Variants in PITPNM1 observed in about 807,000 individuals in gnomAD.
PITPNM1 encodes the protein phosphatidylinositol transfer protein membrane associated 1, also known as membrane-associated phosphatidylinositol transfer protein 1.
Under a neutral mutation model 133.3 loss-of-function variants are expected in PITPNM1, and 74 were observed. That is an observed-to-expected ratio of 0.56 (90% CI 0.46 to 0.67). The LOEUF (loss-of-function observed/expected upper bound fraction) is 0.67, where lower values mean the gene tolerates loss of function less well. PITPNM1 is among the 30% of genes least tolerant of loss of function. The pLI is 0.00. For synonymous variants in PITPNM1, 738 were observed against 741.4 expected, an observed-to-expected ratio of 1.00 and a Z score of 0.08; for missense variants, 1,398 against 1,739.5, an observed-to-expected ratio of 0.80 and a Z score of 3.49.
chr11:67,505,141 C>G lies in PITPNM1; in HGVS notation c.-42+47G>C, dbSNP rs1326241206. 2.6e-5 allele frequency: 4 copies of G among 152,732 alleles called. No homozygotes were observed. The highest frequency in any genetic ancestry group is 5.8e-5 in the Non-Finnish European group (4 of 68,438). 9.5% of individuals were successfully genotyped at this position (152,732 alleles called of 1,614,324 possible). Reference sequence around the variant, plus strand: ...CACTTCCCTCTGCTCGCCGGCGTCCCGGTCCCCTGCCGCGCTCTTGGCCCG... The same window carrying G: ...CACTTCCCTCTGCTCGCCGGCGTCCGGGTCCCCTGCCGCGCTCTTGGCCCG... On this transcript the variant is annotated intron_variant, in intron 1 of 23. Coordinates refer to ENST00000356404, the MANE Select transcript of PITPNM1 (RefSeq NM_004910.3). The surrounding 1 kb of genome is among the most constrained non-coding windows in gnomAD (Gnocchi z 5.8).
chr11:67,502,202 G>C lies in PITPNM1; in HGVS notation c.415+90C>G. On this transcript the variant is annotated intron_variant, in intron 4 of 23. Transcript: ENST00000356404. The surrounding 1 kb of genome is among the most constrained non-coding windows in gnomAD (Gnocchi z 5.9). The stretch of plus-strand genomic sequence containing the variant: ...TTTTGCAGACAGGACATGAGGCCTG[G>C]AGAGGGCTGGGACTTCTCAGAGGCT... 1 of 1,567,110 alleles carries C rather than the reference G, an allele frequency of 6.4e-7. No homozygotes were observed. Among genetic ancestry groups the C allele is most frequent in the South Asian group, 1.1e-5 (1 of 87,414 alleles).
At chr11:67,503,120 G>A (rs1223553575) in intron 2 of PITPNM1, among the ~76,000 whole-genome samples, 2 of 152,264 alleles carry the variant, frequency 1.3e-5, no homozygotes, top group African/African-American at 4.8e-5. Context: ...TATAGGAAAA[G>A]AAAGCCTAGA....
Position 67,491,968 on chromosome 11 carries a change from A to G in PITPNM1, c.*65T>C. On this transcript the variant is annotated 3_prime_UTR_variant, in exon 24 of 24. Coordinates refer to ENST00000356404, the MANE Select transcript of PITPNM1 (RefSeq NM_004910.3). ...CAAAAGTCTGGGTCCCCAGCCTCCCACACGCAGCCCCTCGGGCCCCTTGGG... is the reference window on the plus strand; with the variant it reads ...CAAAAGTCTGGGTCCCCAGCCTCCCGCACGCAGCCCCTCGGGCCCCTTGGG... 1.3e-6 allele frequency: 2 copies of G among 1,550,798 alleles called. No homozygotes were observed. Among genetic ancestry groups the G allele is most frequent in the Non-Finnish European group, 8.7e-7 (1 of 1,144,488 alleles).
chr11:67,502,724 G>C lies in PITPNM1; in HGVS notation c.79-6C>G. On this transcript the variant is annotated splice_polypyrimidine_tract_variant and splice_region_variant and intron_variant, in intron 2 of 23. Coordinates refer to ENST00000356404, the MANE Select transcript of PITPNM1 (RefSeq NM_004910.3). The surrounding 1 kb of genome is among the most constrained non-coding windows in gnomAD (Gnocchi z 5.9). ...GACTCCTCCCGGCTCTTTTTCTGTG[G>C]CCCAAGGGAGAGCAGGACAGGGAGC... The C allele has an allele frequency of 6.2e-7, 1 of 1,610,388 alleles. No individual in the cohort carries two copies. Among genetic ancestry groups the C allele is most frequent in the Admixed American group, 1.7e-5 (1 of 59,992 alleles).
chr11:67,496,561 A>G lies in PITPNM1; in HGVS notation c.2147-213T>C. On this transcript the variant is annotated intron_variant, in intron 14 of 23. Coordinates refer to ENST00000356404, the MANE Select transcript of PITPNM1 (RefSeq NM_004910.3). ...ATGCCTGGAATCCCAGTACTGCGGG[A>G]GGCAGAAGCAGATGGATCACTTGAG... The G allele has an allele frequency of 5.8e-6, 3 of 519,338 alleles. No individual in the cohort carries two copies. The South Asian group carries it at 8.3e-5, about 14-fold the overall frequency. The allele number at this position is 519,338 out of a possible 1,614,324, so 32.2% of individuals were successfully genotyped here. A position where few individuals can be genotyped will look rare whatever the true frequency, so the allele number is the denominator to read the frequency against.
rs1478818235 is a variant in PITPNM1, at chr11:67,492,134, C to G, written c.3634G>C (p.Gly1212Arg). Residue 1212 changes from glycine to arginine, a missense_variant, in exon 24 of 24, where the codon GGC becomes CGC. By Grantham distance (125) the Gly-to-Arg change is moderately radical (BLOSUM62 -2). Around this residue, in one of 5 missense-constraint regions of PITPNM1, gnomAD observed 122 missense variants for 123.3 expected, o/e 0.99. Transcript: ENST00000356404. ...RKQSQLLRSR[G>R]PSQAEREGPG... is the part of the protein sequence containing the mutation. Reference sequence around the variant, plus strand: ...CCCTCACGCTCCGCCTGGCTGGGGCCCCTCGAGCGAAGCAGCTGGCTCTGT... The same window carrying G: ...CCCTCACGCTCCGCCTGGCTGGGGCGCCTCGAGCGAAGCAGCTGGCTCTGT... 2 of 1,611,800 alleles carry G rather than the reference C, an allele frequency of 1.2e-6. No individual in the cohort carries two copies. Among genetic ancestry groups the G allele is most frequent in the Non-Finnish European group, 1.7e-6 (2 of 1,179,830 alleles).
Position 67,493,149 on chromosome 11 carries a change from G to C in PITPNM1, c.3343-87C>G, listed in dbSNP as rs944177544. On this transcript the variant is annotated intron_variant, in intron 22 of 23. Transcript: ENST00000356404. ...CTGTTGGGCTTCCCCAGATTGTTCT[G>C]GGGGTGGGTCCAGGCAGACGGAGGC... The C allele has an allele frequency of 3.1e-5, 47 of 1,526,172 alleles. No individual in the cohort carries two copies. The African/African-American group carries it at 6.3e-4, about 20-fold the overall frequency. 94.5% of individuals were successfully genotyped at this position (1,526,172 alleles called of 1,614,324 possible). A position where few individuals can be genotyped will look rare whatever the true frequency, so the allele number is the denominator to read the frequency against.
chr11:67,496,241 C>T lies in PITPNM1; in HGVS notation c.2254G>A (p.Ala752Thr), dbSNP rs147015888. 1.3e-5 allele frequency: 20 copies of T among 1,557,160 alleles called. No individual in the cohort carries two copies. The highest frequency in any genetic ancestry group is 8.5e-5 in the African/African-American group (6 of 70,822). The change falls in exon 15 of 24, where the codon GCC (alanine) becomes ACC (threonine). Residue 752 changes from alanine (A) to threonine (T), a missense_variant. Coordinates refer to ENST00000356404, the MANE Select transcript of PITPNM1 (RefSeq NM_004910.3). ...TGGTAGCGGGGCACGGTCAGTGGGG[C>T]GATGGCCTGGAACTTCGGGGCCAGC... ...PLLAPKFQAI[A>T]PLTVPRYQKF... is the part of the protein sequence containing the mutation.
chr11:67,492,845 C>T, intron 23 of PITPNM1, 89 bp downstream of exon 23: 1 of 1,491,130 alleles, frequency 6.7e-7, no homozygotes, highest in Non-Finnish European at 9.1e-7. Flanking sequence ...CTTCTCACAT[C>T]TTCCCCAGAG....
Position 67,492,192 on chromosome 11 carries a change from A to G in PITPNM1, c.3576T>C (p.Tyr1192=). 11 of 1,610,836 alleles carry G rather than the reference A, an allele frequency of 6.8e-6. No homozygotes were observed. Among genetic ancestry groups the G allele is most frequent in the Non-Finnish European group, 9.3e-6 (11 of 1,179,660 alleles). Residue 1192 remains tyrosine, a synonymous_variant, in exon 24 of 24, where the codon TAT becomes TAC. Transcript: ENST00000356404. ...GGAAGTCCACGGGGGCAGCCACACC[A>G]TAGCTGCTCTTGCCCAAGGCAGCTC... ...PPRAALGKSS[Y]GVAAPVDFLR... is the part of the protein sequence containing the mutation.
At chr11:67,492,790 C>T (rs1403430049) in intron 23 of PITPNM1, 144 bp downstream of exon 23, 1 of 1,061,318 alleles carries the variant, frequency 9.4e-7, no homozygotes, top group South Asian at 1.7e-5. Context: ...CTGCTCATGG[C>T]CCTTGTCCTC....
In PITPNM1 at chr11:67,498,218, C is replaced by T. The variant is rs1182903134; in HGVS notation, c.1589G>A (p.Gly530Asp). The T allele has an allele frequency of 6.2e-7, 1 of 1,612,928 alleles. No individual in the cohort carries two copies. The highest frequency in any genetic ancestry group is 8.5e-7 in the Non-Finnish European group (1 of 1,179,782). The stretch of plus-strand genomic sequence containing the variant: ...GCGGGCAATGACGGTGGCCACGGCG[C>T]CCTGGTAGCGGGAGGATGAGGTGGC... ...LLATSSSRYQ[G>D]AVATVIARTN... The change falls in exon 11 of 24, where the codon GGC (glycine) becomes GAC (aspartate). Residue 530 changes from glycine (G) to aspartate (D), a missense_variant. Transcript: ENST00000356404. The surrounding 1 kb of genome is among the most constrained non-coding windows in gnomAD (Gnocchi z 5.7).
chr11:67,495,271 C>T (rs1385326921), intron 16 of PITPNM1, 46 bp from the exon 17 acceptor site: 3 of 1,535,672 alleles, frequency 2.0e-6, no homozygotes, highest in African/African-American at 2.7e-5. Context: ...TGCCCCACAC[C>T]CATCTGCCTG....
rs115377785 is a variant in PITPNM1 at position 67,498,700 on chromosome 11, G to C, written c.1380C>G (p.Phe460Leu). ...GGAAGTGGATGCGGGTGACGGCCTC[G>C]AAGGCGGAGCTCAGCGTCTGCACAT... is the stretch of plus-strand genomic sequence containing the variant. ...QADVQTLSSA[F>L]EAVTRIHFPE... The change falls in exon 10 of 24, where the codon TTC becomes TTG. Residue 460 changes from phenylalanine (F) to leucine (L), a missense_variant. Phe to Leu is a conservative substitution (Grantham distance 22). Around this residue, in one of 5 missense-constraint regions of PITPNM1, gnomAD observed 574 missense variants for 698.7 expected, o/e 0.82. Transcript: ENST00000356404. The surrounding 1 kb of genome is among the most constrained non-coding windows in gnomAD (Gnocchi z 5.7). The C allele has an allele frequency of 1.2e-6, 2 of 1,606,240 alleles. No homozygotes were observed. Among genetic ancestry groups the C allele is most frequent in the African/African-American group, 2.7e-5 (2 of 75,048 alleles).
At position 67,492,120 on chromosome 11, in the gene PITPNM1, C is replaced by A. The variant is rs201936593; in HGVS notation, c.3648G>T (p.Ala1216=). ...GTGGTGTTCCCGGGCCCTCACGCTCCGCCTGGCTGGGGCCCCTCGAGCGAA... is the reference window on the plus strand; with the variant it reads ...GTGGTGTTCCCGGGCCCTCACGCTCAGCCTGGCTGGGGCCCCTCGAGCGAA... The part of the protein sequence containing the change: ...QLLRSRGPSQ[A]EREGPGTPPT... The change falls in exon 24 of 24, where the codon GCG becomes GCT. Residue 1216 remains alanine, a synonymous_variant. Transcript: ENST00000356404. 1 of 1,612,132 alleles carries A rather than the reference C, an allele frequency of 6.2e-7. No individual in the cohort carries two copies. The highest frequency in any genetic ancestry group is 8.5e-7 in the Non-Finnish European group (1 of 1,179,832).
chr11:67,503,690 A>C, intron 2 of PITPNM1: 1 of 172,926 alleles, frequency 5.8e-6, no homozygotes, highest in Non-Finnish European at 1.2e-5. Context: ...TCGCCCTCCC[A>C]TCCTTGCTGC....
rs1320499739 is a variant in PITPNM1 at position 67,497,684 on chromosome 11, A to T, written c.1783-5T>A. On this transcript the variant is annotated splice_region_variant and splice_polypyrimidine_tract_variant and intron_variant, in intron 12 of 23. Transcript: ENST00000356404. ...CGGAGAGAGCAGCTCATTGTTCTGG[A>T]TGGAACAGGAGACAGAAACATTCTT... 3 of 1,609,092 alleles carry T rather than the reference A, an allele frequency of 1.9e-6. No homozygotes were observed. The highest frequency in any genetic ancestry group is 2.5e-6 in the Non-Finnish European group (3 of 1,178,884).
rs1452282698 is a variant in PITPNM1 at position 67,500,090 on chromosome 11, C to G, written c.967+5G>C. ...GTTCCTCCCATCCCTGTGCCCCAGC[C>G]TCACCTCCATGTTGGGATGAGTAGG... On this transcript the variant is annotated splice_donor_5th_base_variant and intron_variant, in intron 6 of 23. Transcript: ENST00000356404. 1.3e-6 allele frequency: 2 copies of G among 1,598,394 alleles called. No individual in the cohort carries two copies. The highest frequency in any genetic ancestry group is 1.7e-6 in the Non-Finnish European group (2 of 1,169,566).
chr11:67,494,935 G>C lies in PITPNM1; in HGVS notation c.2653C>G (p.Gln885Glu). 1 of 1,612,822 alleles carries C rather than the reference G, an allele frequency of 6.2e-7. No homozygotes were observed. The highest frequency in any genetic ancestry group is 8.5e-7 in the Non-Finnish European group (1 of 1,179,814). The change falls in exon 18 of 24, where the codon CAG becomes GAG. Residue 885 changes from glutamine (Q) to glutamate (E), a missense_variant. Gln to Glu is a conservative substitution (Grantham distance 29). This residue lies in a region of PITPNM1 where 574 missense variants were observed against 698.7 expected (regional missense o/e 0.82). Coordinates refer to ENST00000356404, the MANE Select transcript of PITPNM1 (RefSeq NM_004910.3). ...GACGGCTCCTCGCATTCCGCCAGCT[G>C]TGGCCGCTCCTTCTCGATCACCTGC... is the stretch of plus-strand genomic sequence containing the variant. ...LRQVIEKERPQLAECEEPSIY... is the reference protein window; with the variant it reads ...LRQVIEKERPELAECEEPSIY...
Sources: allele counts gnomAD v4.1 joint callset (sites outside exome capture counted in the v4.1 genomes callset), GRCh38; gene constraint gnomAD v4.1.1; regional missense constraint gnomAD v4.1.1; non-coding constraint Gnocchi (gnomAD v3.1); transcripts MANE v1.5; gene names NCBI Gene and HGNC (gene_info 2026-07-23, HGNC 2026-07-21).